The following LAMB2 variants were observed in gnomAD, a reference collection of about 807,000 sequenced individuals.
LAMB2 encodes laminin subunit beta 2.
A neutral mutation model predicts 202.7 loss-of-function variants in LAMB2; 119 were observed. The observed-to-expected ratio is 0.59, with a 90% confidence interval of 0.51 to 0.68. The LOEUF is 0.68. Among genes scored for constraint, LAMB2 ranks in the 30% least tolerant of loss-of-function variants. The pLI is 0.00. For synonymous variants in LAMB2, 818 were observed against 902.2 expected, an observed-to-expected ratio of 0.91 and a Z score of 1.67; for missense variants, 2,124 against 2,410.6, an observed-to-expected ratio of 0.88 and a Z score of 2.49.
intron 15 of LAMB2, among the ~76,000 whole-genome samples, chr3:49,127,787 A>G (rs1451672088): frequency 1.3e-5 from 2 of 149,606 alleles, no homozygotes; most frequent in South Asian, 2.1e-4. Context: ...TTGGGAGGCC[A>G]AGGCGGGCAG....
rs899508564 is a variant in LAMB2, at chr3:49,132,731, G to A, written c.76+61C>T. 8.7e-6 allele frequency: 14 copies of A among 1,613,496 alleles called. No homozygotes were observed. The highest frequency in any genetic ancestry group is 6.7e-5 in the African/African-American group (5 of 74,920). On this transcript the variant is annotated intron_variant, in intron 1 of 31. Coordinates refer to ENST00000305544, the MANE Select transcript of LAMB2 (RefSeq NM_002292.4). The surrounding 1 kb of genome is among the most constrained non-coding windows in gnomAD (Gnocchi z 4.6). ...GTGGCTCCACCTCATGTGCCCCAAG[G>A]GCAACTACCAGGACCTACCATCACA...
chr3:49,126,621 C>T lies in LAMB2; in HGVS notation c.2019-124G>A, dbSNP rs554974972. The stretch of plus-strand genomic sequence containing the variant: ...CAAAGCAGAGACTATGGCTGGGTTG[C>T]GTTGGGCTGCGCTAGGCCAACAAAC... On this transcript the variant is annotated intron_variant, in intron 15 of 31. Transcript: ENST00000305544. 1.0e-4 allele frequency: 126 copies of T among 1,247,402 alleles called. No homozygotes were observed. In the Middle Eastern group the frequency reaches 2.9e-3, roughly 29 times the overall value. The allele number at this position is 1,247,402 out of a possible 1,614,324, so 77.3% of individuals were successfully genotyped here. A position where few individuals can be genotyped will look rare whatever the true frequency, so the allele number is the denominator to read the frequency against.
In LAMB2 at chr3:49,122,038, G is replaced by A; in HGVS notation, c.4829C>T (p.Ala1610Val). 2 of 1,613,662 alleles carry A rather than the reference G, an allele frequency of 1.2e-6. No homozygotes were observed. The highest frequency in any genetic ancestry group is 1.1e-5 in the South Asian group (1 of 91,082). Residue 1610 changes from alanine to valine, a missense_variant, in exon 29 of 32, where the codon GCA becomes GTA. By Grantham distance (64) the Ala-to-Val change is moderately conservative. Transcript: ENST00000305544. ...CTGTGCCCGCTGGGCCTCCTCCAGT[G>A]CTGCCTGTACTGTCTCTGCCTTCTG... ...EKQKAETVQAALEEAQRAQGI... is the reference protein window; with the variant it reads ...EKQKAETVQAVLEEAQRAQGI...
Position 49,122,104 on chromosome 3 carries a change from C to G in LAMB2, c.4782-19G>C. 2 of 1,613,404 alleles carry G rather than the reference C, an allele frequency of 1.2e-6. No individual in the cohort carries two copies. The highest frequency in any genetic ancestry group is 1.7e-6 in the Non-Finnish European group (2 of 1,180,040). On this transcript the variant is annotated intron_variant, in intron 28 of 31. Transcript: ENST00000305544. ...CCAGCTCCTGGGGAGAAGGGGGAAT[C>G]AGAACCTGGAGGTATCAAAACCAGG... is the stretch of plus-strand genomic sequence containing the variant.
At chr3:49,122,545 C>T in intron 27 of LAMB2, 159 bp downstream of exon 27, 1 of 918,604 alleles carries the variant, frequency 1.1e-6, no homozygotes, top group Non-Finnish European at 1.8e-6. Flanking sequence ...GAACATGGAC[C>T]TGGGACCACA....
Position 49,133,015 on chromosome 3 carries a change from G to A in LAMB2, c.-148C>T, listed in dbSNP as rs565751614. 5.7e-6 allele frequency: 4 copies of A among 707,106 alleles called. No individual in the cohort carries two copies. In the South Asian group the frequency reaches 6.8e-5, roughly 12 times the overall value. The allele number at this position is 707,106 out of a possible 1,614,324, so 43.8% of individuals were successfully genotyped here. On this transcript the variant is annotated 5_prime_UTR_variant, in exon 1 of 32. Transcript: ENST00000305544. Reference sequence around the variant, plus strand: ...TGTCAGTTCCCAGGTCTGTCCAGCGGTCCCTCCGACAGCTTAGAGTCCAGC... The same window carrying A: ...TGTCAGTTCCCAGGTCTGTCCAGCGATCCCTCCGACAGCTTAGAGTCCAGC...
chr3:49,132,245 A>G lies in LAMB2; in HGVS notation c.385+25T>C, dbSNP rs201640763. 5.2e-4 allele frequency: 837 copies of G among 1,614,162 alleles called. No individual in the cohort carries two copies. Among genetic ancestry groups the G allele is most frequent in the Non-Finnish European group, 6.5e-4 (769 of 1,180,022 alleles). On this transcript the variant is annotated intron_variant, in intron 3 of 31. Transcript: ENST00000305544. The surrounding 1 kb of genome is among the most constrained non-coding windows in gnomAD (Gnocchi z 4.6). ...AAGCTACTGGTGGGCAGCCCTGCTC[A>G]CTTTTGCCCCACCCATGGCCTCACC...
In LAMB2 at chr3:49,132,015, A is replaced by C; in HGVS notation, c.459+101T>G. The C allele has an allele frequency of 8.5e-7, 1 of 1,171,948 alleles. No individual in the cohort carries two copies. Among genetic ancestry groups the C allele is most frequent in the African/African-American group, 1.5e-5 (1 of 66,444 alleles). The allele number at this position is 1,171,948 out of a possible 1,614,324, so 72.6% of individuals were successfully genotyped here. A position where few individuals can be genotyped will look rare whatever the true frequency, so the allele number is the denominator to read the frequency against. ...GTGAAGGGATGAAGGAGCCTCCTGC[A>C]TCCATGCTCAAGGAGGCTGTGTTAA... is the stretch of plus-strand genomic sequence containing the variant. On this transcript the variant is annotated intron_variant, in intron 4 of 31. Transcript: ENST00000305544. The surrounding 1 kb of genome is among the most constrained non-coding windows in gnomAD (Gnocchi z 4.6).
At position 49,123,468 on chromosome 3, in the gene LAMB2, G is replaced by T. The variant is rs2045373948; in HGVS notation, c.3961C>A (p.Leu1321Ile). The change falls in exon 25 of 32, where the codon CTC (leucine) becomes ATC (isoleucine). Residue 1321 changes from leucine to isoleucine, a missense_variant. This residue lies in a region of LAMB2 where 1,702 missense variants were observed against 1,896.3 expected (regional missense o/e 0.90). Coordinates refer to ENST00000305544, the MANE Select transcript of LAMB2 (RefSeq NM_002292.4). ...TCACCCAGGAAGTTTGAATGTTTGA[G>T]CAAGTCAAGATGCTGGTCGAGCTGC... ...LRQLDQHLDL[L>I]KHSNFLGAYD... 6.2e-7 allele frequency: 1 copy of T among 1,614,146 alleles called. No individual in the cohort carries two copies. Among genetic ancestry groups the T allele is most frequent in the Non-Finnish European group, 8.5e-7 (1 of 1,180,044 alleles).
In LAMB2 at chr3:49,124,801, G is replaced by A. The variant is rs1037746971; in HGVS notation, c.3009C>T (p.His1003=). 3 of 1,614,086 alleles carry A rather than the reference G, an allele frequency of 1.9e-6. No homozygotes were observed. Among genetic ancestry groups the A allele is most frequent in the African/African-American group, 1.3e-5 (1 of 74,938 alleles). The change falls in exon 21 of 32, where the codon CAC becomes CAT. Residue 1003 remains histidine, a synonymous_variant. Coordinates refer to ENST00000305544, the MANE Select transcript of LAMB2 (RefSeq NM_002292.4). The part of the protein sequence containing the change: ...DPMDPDACDP[H]TGQCLRCLHH... Reference sequence around the variant, plus strand: ...GTAAACAGCGCAGGCATTGCCCCGTGTGGGGGTCACAGGCATCAGGATCCA... The same window carrying A: ...GTAAACAGCGCAGGCATTGCCCCGTATGGGGGTCACAGGCATCAGGATCCA...
At position 49,121,670 on chromosome 3, in the gene LAMB2, C is replaced by G. The variant is rs1345846847; in HGVS notation, c.5100+14G>C. 6.2e-7 allele frequency: 1 copy of G among 1,614,116 alleles called. No homozygotes were observed. ...CCACCCCTACCTTCTCCAGCTGGCT[C>G]TGCCTCAACCCACCTGCTCAGCCTC... On this transcript the variant is annotated intron_variant, in intron 30 of 31. Transcript: ENST00000305544.
Position 49,125,325 on chromosome 3 carries a change from G to C in LAMB2, c.2648C>G (p.Ala883Gly), listed in dbSNP as rs1279679848. The C allele has an allele frequency of 2.5e-6, 4 of 1,614,098 alleles. No homozygotes were observed. In the South Asian group the frequency reaches 4.4e-5, roughly 18 times the overall value. ...GCCTGTGTGGGTGTTGCACTCATCT[G>C]CATGCCCATTGCAGACACATGGCCG... The part of the protein sequence containing the change: ...SCRPCVCNGH[A>G]DECNTHTGAC... Residue 883 changes from alanine (A) to glycine (G), a missense_variant, in exon 19 of 32, where the codon GCA becomes GGA. Physicochemically the swap from Ala to Gly is moderately conservative, Grantham distance 60 (BLOSUM62 0). Around this residue, in one of 3 missense-constraint regions of LAMB2, gnomAD observed 1,702 missense variants for 1,896.3 expected, o/e 0.90. Transcript: ENST00000305544.
At position 49,130,688 on chromosome 3, in the gene LAMB2, G is replaced by A; in HGVS notation, c.1036+52C>T. ...CAACTAGCTCTAGGTTCTACCCAGG[G>A]CACAGCCAGGCTGCAGAGTGCTGGA... On this transcript the variant is annotated intron_variant, in intron 8 of 31. Transcript: ENST00000305544. The surrounding 1 kb of genome is among the most constrained non-coding windows in gnomAD (Gnocchi z 5.0). 5 of 1,610,690 alleles carry A rather than the reference G, an allele frequency of 3.1e-6. No individual in the cohort carries two copies. The highest frequency in any genetic ancestry group is 3.4e-6 in the Non-Finnish European group (4 of 1,179,684).
At position 49,124,682 on chromosome 3, in the gene LAMB2, C is replaced by T. The variant is rs761768707; in HGVS notation, c.3109+19G>A. ...AGCAGAACCCCAATTCAGCCATGCC[C>T]TCCCACACTCATACTCACGGTGACA... On this transcript the variant is annotated intron_variant, in intron 21 of 31. Coordinates refer to ENST00000305544, the MANE Select transcript of LAMB2 (RefSeq NM_002292.4). 15 of 1,614,026 alleles carry T rather than the reference C, an allele frequency of 9.3e-6. No individual in the cohort carries two copies. Among genetic ancestry groups the T allele is most frequent in the Admixed American group, 1.7e-5 (1 of 60,028 alleles).
At position 49,131,923 on chromosome 3, in the gene LAMB2, G is replaced by A. The variant is rs975279454; in HGVS notation, c.459+193C>T. On this transcript the variant is annotated intron_variant, in intron 4 of 31. Coordinates refer to ENST00000305544, the MANE Select transcript of LAMB2 (RefSeq NM_002292.4). The surrounding 1 kb of genome is among the most constrained non-coding windows in gnomAD (Gnocchi z 5.0). ...GGTTCATGGGGCTCAGGGAGACAGCGCCTGACCCAGCCTGGGATTGGAAAG... is the reference window on the plus strand; with the variant it reads ...GGTTCATGGGGCTCAGGGAGACAGCACCTGACCCAGCCTGGGATTGGAAAG... Among the ~76,000 whole-genome samples the A allele has an allele frequency of 2.6e-5, 4 of 152,156 alleles. No homozygotes were observed. Among genetic ancestry groups the A allele is most frequent in the Admixed American group, 6.5e-5 (1 of 15,280 alleles).
At position 49,123,298 on chromosome 3, in the gene LAMB2, G is replaced by A; in HGVS notation, c.4058C>T (p.Ala1353Val). ...CGAGTTGCTCACAGGGCTAGGTACT[G>A]CCAGGGCTGAGGTATTGGCACGACG... is the stretch of plus-strand genomic sequence containing the variant. ...AERRANTSAL[A>V]VPSPVSNSAS... The change falls in exon 26 of 32, where the codon GCA (alanine) becomes GTA (valine). Residue 1353 changes from alanine to valine, a missense_variant. Physicochemically the swap from Ala to Val is moderately conservative, Grantham distance 64. Transcript: ENST00000305544. The A allele has an allele frequency of 1.2e-6, 2 of 1,613,974 alleles. No individual in the cohort carries two copies. The highest frequency in any genetic ancestry group is 2.2e-5 in the East Asian group (1 of 44,900).
In LAMB2 at chr3:49,121,125, AC is replaced by A. The variant is rs2045205150; in HGVS notation, c.*100del. The A allele has an allele frequency of 1.4e-6, 2 of 1,392,526 alleles. No homozygotes were observed. The highest frequency in any genetic ancestry group is 2.0e-6 in the Non-Finnish European group (2 of 1,004,196). The allele number at this position is 1,392,526 out of a possible 1,614,324, so 86.3% of individuals were successfully genotyped here. A position where few individuals can be genotyped will look rare whatever the true frequency, so the allele number is the denominator to read the frequency against. Reference sequence around the variant, plus strand: ...TCCAGACAACACAGTGGGGGTTCACACTGGTTTATTGGGGGCCCTGCCGGGC... The same window carrying A: ...TCCAGACAACACAGTGGGGGTTCACATGGTTTATTGGGGGCCCTGCCGGGC... On this transcript the variant is annotated 3_prime_UTR_variant, in exon 32 of 32. Coordinates refer to ENST00000305544, the MANE Select transcript of LAMB2 (RefSeq NM_002292.4).
chr3:49,126,370 C>T lies in LAMB2; in HGVS notation c.2146G>A (p.Asp716Asn), dbSNP rs746752598. 3 of 1,614,202 alleles carry T rather than the reference C, an allele frequency of 1.9e-6. No individual in the cohort carries two copies. Among genetic ancestry groups the T allele is most frequent in the Admixed American group, 3.3e-5 (2 of 60,028 alleles). Reference sequence around the variant, plus strand: ...GGCAAGAGGAGATTATTCACCGAGTCAATGAGCAGGCCAGGTCCAGAGTAG... The same window carrying T: ...GGCAAGAGGAGATTATTCACCGAGTTAATGAGCAGGCCAGGTCCAGAGTAG... ...TPYSGPGLLI[D>N]SLVLLPRVLV... Residue 716 changes from aspartate (D) to asparagine (N), a missense_variant, in exon 16 of 32, where the codon GAC (aspartate) becomes AAC (asparagine). Transcript: ENST00000305544.
rs370271440 is a variant in LAMB2 at position 49,124,887 on chromosome 3, C to T, written c.2923G>A (p.Asp975Asn). 1.2e-6 allele frequency: 2 copies of T among 1,613,990 alleles called. No homozygotes were observed. The highest frequency in any genetic ancestry group is 2.7e-5 in the African/African-American group (2 of 74,932). Reference sequence around the variant, plus strand: ...CACCGGCCACCTGGCCTTGATGGGTCCCCAAAGTGCCCAGGGGCACAAGCT... The same window carrying T: ...CACCGGCCACCTGGCCTTGATGGGTTCCCAAAGTGCCCAGGGGCACAAGCT... ...CEACAPGHFG[D>N]PSRPGGRCQL... Residue 975 changes from aspartate (D) to asparagine (N), a missense_variant, in exon 21 of 32, where the codon GAC (aspartate) becomes AAC (asparagine). Transcript: ENST00000305544.
Sources: allele counts gnomAD v4.1 joint callset (sites outside exome capture counted in the v4.1 genomes callset), GRCh38; gene constraint gnomAD v4.1.1; regional missense constraint gnomAD v4.1.1; non-coding constraint Gnocchi (gnomAD v3.1); transcripts MANE v1.5; gene names NCBI Gene and HGNC (gene_info 2026-07-23, HGNC 2026-07-21).